ARK2C: variants seen among roughly 807,000 people sequenced by gnomAD.
ARK2C encodes arkadia (RNF111) C-terminal like ring finger ubiquitin ligase 2C, also known as E3 ubiquitin-protein ligase ARK2C.
chr18:46,451,849 A>G, the ARK2C span, among the ~76,000 whole-genome samples: 1 of 152,190 alleles, frequency 6.6e-6, no homozygotes, highest in Admixed American at 6.5e-5. Flanking sequence ...ATGGAAAGAC[A>G]TGTTGGAAGC....
the ARK2C span, chr18:46,433,092 G>A: frequency 2.3e-6 from 2 of 874,154 alleles, no homozygotes; most frequent in Non-Finnish European, 3.4e-6. Flanking sequence ...TAGGTCTTGA[G>A]CTTCACCAGC....
At chr18:46,435,360 C>T in the ARK2C span, 2 of 1,614,188 alleles carry the variant, frequency 1.2e-6, no homozygotes, top group Non-Finnish European at 1.7e-6. Flanking sequence ...CAACTGCAGA[C>T]ACCTCAGCCC....
chr18:46,348,032 C>T, the ARK2C span, among the ~76,000 whole-genome samples: 5 of 152,158 alleles, frequency 3.3e-5, no homozygotes, highest in Admixed American at 3.3e-4. Context: ...ACTTTGCCTG[C>T]CTTAAAAATA....
chr18:46,403,455 T>A, the ARK2C span, among the ~76,000 whole-genome samples: 1 of 152,178 alleles, frequency 6.6e-6, no homozygotes, highest in Admixed American at 6.5e-5. Context: ...AAGTGTAGTA[T>A]CCATTACCTA....
At chr18:46,457,678 G>C in the ARK2C span, 1 of 152,694 alleles carries the variant, frequency 6.5e-6, no homozygotes, top group Admixed American at 6.5e-5. Context: ...TTTAGGCTGT[G>C]CTCTTGCCTG....
the ARK2C span, among the ~76,000 whole-genome samples, chr18:46,372,244 A>C: frequency 2.0e-5 from 3 of 150,194 alleles, no homozygotes; most frequent in African/African-American, 4.8e-5. Context: ...TTGGCAGCAT[A>C]GTATTCTGGA....
the ARK2C span, among the ~76,000 whole-genome samples, chr18:46,403,091 G>A: frequency 1.2e-4 from 18 of 152,310 alleles, no homozygotes; most frequent in African/African-American, 4.3e-4. Context: ...GGCAGCCCCA[G>A]GCAGAGGTTT....
the ARK2C span, among the ~76,000 whole-genome samples, chr18:46,373,607 G>A: frequency 3.5e-3 from 539 of 152,334 alleles, 1 homozygote; most frequent in African/African-American, 0.012. Flanking sequence ...CCCCAGTGAC[G>A]TTGAGGCTGA....
chr18:46,435,158 G>A, the ARK2C span: 1 of 679,842 alleles, frequency 1.5e-6, no homozygotes, highest in Non-Finnish European at 2.6e-6. Context: ...CTCAGTGCTT[G>A]CTAGACTGTG....
At chr18:46,390,676 A>G in the ARK2C span, among the ~76,000 whole-genome samples, 8 of 152,074 alleles carry the variant, frequency 5.3e-5, no homozygotes, top group African/African-American at 1.2e-4. Flanking sequence ...AGCAGCATTT[A>G]TGGGGTGTGG....
chr18:46,412,864 G>A, the ARK2C span, among the ~76,000 whole-genome samples: 1 of 152,100 alleles, frequency 6.6e-6, no homozygotes, highest in Non-Finnish European at 1.5e-5. Flanking sequence ...AAGGACCGAG[G>A]CCCAAAGGGG....
the ARK2C span, among the ~76,000 whole-genome samples, chr18:46,393,621 A>G: frequency 6.6e-6 from 1 of 152,180 alleles, no homozygotes; most frequent in Non-Finnish European, 1.5e-5. Context: ...CTAAGGTCTA[A>G]GGTCACCCCA....
At chr18:46,337,070 C>T in the ARK2C span, 2 of 985,224 alleles carry the variant, frequency 2.0e-6, no homozygotes, top group African/African-American at 3.5e-5. Flanking sequence ...AGCCGGCTCC[C>T]TTCTGCTGCT....
chr18:46,371,850 C>T, the ARK2C span, among the ~76,000 whole-genome samples: 4 of 152,228 alleles, frequency 2.6e-5, no homozygotes, highest in East Asian at 7.7e-4. Context: ...TTCTATTGTA[C>T]TGCAGCATCC....
the ARK2C span, among the ~76,000 whole-genome samples, chr18:46,437,692 C>T: frequency 1.3e-5 from 2 of 152,208 alleles, no homozygotes; most frequent in Admixed American, 6.5e-5. Flanking sequence ...CCAAACCCCT[C>T]TCTTTCTTGC....
the ARK2C span, among the ~76,000 whole-genome samples, chr18:46,455,639 C>G: frequency 1.4e-4 from 22 of 152,090 alleles, no homozygotes; most frequent in Admixed American, 1.4e-3. Flanking sequence ...GAGTTCAAGA[C>G]CAGCCTGACC....
chr18:46,412,419 G>A, the ARK2C span, among the ~76,000 whole-genome samples: 1 of 152,252 alleles, frequency 6.6e-6, no homozygotes. Context: ...TTGACCCTTG[G>A]TAGCAGCTCA....
At chr18:46,359,118 C>T in the ARK2C span, among the ~76,000 whole-genome samples, 1 of 152,216 alleles carries the variant, frequency 6.6e-6, no homozygotes, top group Non-Finnish European at 1.5e-5. Flanking sequence ...ATAGGGCTCC[C>T]ATGAGAGGAA....
chr18:46,448,595 T>A, the ARK2C span, among the ~76,000 whole-genome samples: 1,593 of 152,292 alleles, frequency 0.01, 25 homozygotes, highest in African/African-American at 0.036. Context: ...GAAATGAAGA[T>A]GCCTGCCTCG....
Sources: gnomAD v4.1 joint callset for allele counts (sites outside exome capture counted in the v4.1 genomes callset) on GRCh38, gnomAD v4.1.1 for gene constraint, MANE v1.5 for transcripts, NCBI Gene and HGNC (gene_info 2026-07-23, HGNC 2026-07-21) for gene names.